Variants in FUT9 observed in about 807,000 individuals in gnomAD.
FUT9 encodes fucosyltransferase 9.
A neutral mutation model predicts 29.7 loss-of-function variants in FUT9; 15 were observed. That is an observed-to-expected ratio of 0.51 (90% CI 0.34 to 0.78). The LOEUF (loss-of-function observed/expected upper bound fraction) is 0.78, where lower values mean the gene tolerates loss of function less well. FUT9 is among the 30% of genes least tolerant of loss of function. The probability of loss-of-function intolerance (pLI) is 0.01; values close to 1 mark genes in which losing one functional copy is unlikely to be tolerated. For missense variants in FUT9, 319 were observed against 425.4 expected, an observed-to-expected ratio of 0.75 and a Z score of 2.20; for synonymous variants, 169 against 153.7, an observed-to-expected ratio of 1.10 and a Z score of -0.74.
At chr6:96,196,131 G>A (rs572039397) in intron 2 of FUT9, among the ~76,000 whole-genome samples, 1 of 152,118 alleles carries the variant, frequency 6.6e-6, no homozygotes, top group South Asian at 2.1e-4. Context: ...GCCAGTGTGG[G>A]AATAGAGAGG....
intron 2 of FUT9, among the ~76,000 whole-genome samples, chr6:96,135,112 T>A (rs957555846): frequency 6.6e-6 from 1 of 151,928 alleles, no homozygotes; most frequent in Non-Finnish European, 1.5e-5. Flanking sequence ...TTATTGAATG[T>A]CACATAATAT....
chr6:96,177,075 T>G (rs1172043234), intron 2 of FUT9, among the ~76,000 whole-genome samples: 4 of 152,172 alleles, frequency 2.6e-5, no homozygotes, highest in African/African-American at 7.2e-5. Flanking sequence ...AGGCCACTTC[T>G]ATCTCCTTTA....
chr6:96,042,316 T>C (rs1562105248), intron 1 of FUT9, among the ~76,000 whole-genome samples: 1 of 152,324 alleles, frequency 6.6e-6, no homozygotes, highest in East Asian at 1.9e-4. Flanking sequence ...AATGTCTGCA[T>C]CTTGTTGCTT....
At chr6:96,181,985 T>A (rs566793891) in intron 2 of FUT9, among the ~76,000 whole-genome samples, 1 of 152,252 alleles carries the variant, frequency 6.6e-6, no homozygotes, top group Non-Finnish European at 1.5e-5. Context: ...TACTTTTAGT[T>A]CTTTAAGGAA....
At chr6:96,098,639 C>T (rs1410709548) in intron 1 of FUT9, among the ~76,000 whole-genome samples, 11 of 152,240 alleles carry the variant, frequency 7.2e-5, no homozygotes, top group African/African-American at 2.6e-4. Flanking sequence ...TCTTATGTGT[C>T]ATCAAATAGT....
At chr6:96,118,355 A>AT (rs1169695416) in intron 2 of FUT9, among the ~76,000 whole-genome samples, 1 of 152,170 alleles carries the variant, frequency 6.6e-6, no homozygotes, top group Non-Finnish European at 1.5e-5. Context: ...CATGCACTGC[A>AT]TAACATTGCA....
rs1158655711 is a variant in FUT9, at chr6:96,212,249, G to A, written c.*8014G>A. ...TCAGTTCCTTAAATGAGATAATCCT[G>A]AAGATGCCATCCTTGTCCAAGGTGA... is the stretch of plus-strand genomic sequence containing the variant. On this transcript the variant is annotated 3_prime_UTR_variant, in exon 3 of 3. Transcript: ENST00000302103. 1 of 412,586 alleles carries A rather than the reference G, an allele frequency of 2.4e-6. No homozygotes were observed. Among genetic ancestry groups the A allele is most frequent in the African/African-American group, 2.1e-5 (1 of 48,570 alleles). The allele number at this position is 412,586 out of a possible 1,614,324, so 25.6% of individuals were successfully genotyped here.
chr6:96,193,638 A>G (rs1045347635), intron 2 of FUT9, among the ~76,000 whole-genome samples: 2 of 152,108 alleles, frequency 1.3e-5, no homozygotes, highest in African/African-American at 4.8e-5. Context: ...TGTGGAAGAC[A>G]GTGTGGCGAT....
Position 96,204,190 on chromosome 6 carries a change from A to G in FUT9, c.1035A>G (p.Gln345=), listed in dbSNP as rs777195087. 1.4e-6 allele frequency: 2 copies of G among 1,476,070 alleles called. No individual in the cohort carries two copies. The highest frequency in any genetic ancestry group is 1.4e-5 in the African/African-American group (1 of 71,218). The allele number at this position is 1,476,070 out of a possible 1,614,324, so 91.4% of individuals were successfully genotyped here. A position where few individuals can be genotyped will look rare whatever the true frequency, so the allele number is the denominator to read the frequency against. ...CLACDHVKRH[Q]EYKSVGNLEK... ...CTTGCGATCATGTGAAAAGGCATCAAGAATATAAGTCTGTTGGTAATTTAG... is the reference window on the plus strand; with the variant it reads ...CTTGCGATCATGTGAAAAGGCATCAGGAATATAAGTCTGTTGGTAATTTAG... Residue 345 remains glutamine, a synonymous_variant, in exon 3 of 3, where the codon CAA becomes CAG. Transcript: ENST00000302103.
Position 96,205,475 on chromosome 6 carries a change from C to T in FUT9, c.*1240C>T, listed in dbSNP as rs998471538. 6.0e-6 allele frequency: 1 copy of T among 166,952 alleles called. No individual in the cohort carries two copies. Among genetic ancestry groups the T allele is most frequent in the Non-Finnish European group, 1.5e-5 (1 of 68,090 alleles). 10.3% of individuals were successfully genotyped at this position (166,952 alleles called of 1,614,324 possible). A position where few individuals can be genotyped will look rare whatever the true frequency, so the allele number is the denominator to read the frequency against. ...TTTATATCCCATTTTGGTAATTATT[C>T]ATACATAGCACATATGACCATGATG... On this transcript the variant is annotated 3_prime_UTR_variant, in exon 3 of 3. Coordinates refer to ENST00000302103, the MANE Select transcript of FUT9 (RefSeq NM_006581.4).
chr6:96,169,584 A>T (rs1032682431), intron 2 of FUT9, among the ~76,000 whole-genome samples: 3 of 152,120 alleles, frequency 2.0e-5, no homozygotes. Flanking sequence ...ATCTCTCAGG[A>T]AAAAGTTTTA....
chr6:96,088,137 G>A (rs1402697654), intron 1 of FUT9, among the ~76,000 whole-genome samples: 1 of 151,862 alleles, frequency 6.6e-6, no homozygotes, highest in Non-Finnish European at 1.5e-5. Context: ...AATATCTAAT[G>A]TAAATGACAA....
chr6:96,081,672 G>T (rs1000191807), intron 1 of FUT9, among the ~76,000 whole-genome samples: 1 of 151,748 alleles, frequency 6.6e-6, no homozygotes, highest in African/African-American at 2.4e-5. Context: ...TGTGCGAGAG[G>T]TTCTACAAAG....
At chr6:96,087,028 C>T (rs183516947) in intron 1 of FUT9, among the ~76,000 whole-genome samples, 22 of 152,256 alleles carry the variant, frequency 1.4e-4, no homozygotes, top group African/African-American at 2.4e-4. Flanking sequence ...AGCAAGGAGA[C>T]AAACGTTACG....
chr6:96,118,375 T>C (rs990021513), intron 2 of FUT9, among the ~76,000 whole-genome samples: 1 of 152,146 alleles, frequency 6.6e-6, no homozygotes, highest in African/African-American at 2.4e-5. Flanking sequence ...AGGCAATGAT[T>C]GACCACATGT....
chr6:96,114,791 A>C (rs1053078184), intron 2 of FUT9, among the ~76,000 whole-genome samples: 2 of 152,208 alleles, frequency 1.3e-5, no homozygotes, highest in Non-Finnish European at 2.9e-5. Context: ...ACTACAAAGC[A>C]ATAAGTGTTA....
chr6:96,148,108 C>T (rs147878219), intron 2 of FUT9, among the ~76,000 whole-genome samples: 33 of 152,120 alleles, frequency 2.2e-4, no homozygotes, highest in African/African-American at 4.3e-4. Context: ...TCCTTAAAAA[C>T]GCTTTCTAAC....
intron 2 of FUT9, among the ~76,000 whole-genome samples, chr6:96,153,760 C>A (rs1772726062): frequency 6.6e-6 from 1 of 152,180 alleles, no homozygotes; most frequent in African/African-American, 2.4e-5. Flanking sequence ...AGTTTCCTTA[C>A]AGTTTTCAAT....
intron 2 of FUT9, among the ~76,000 whole-genome samples, chr6:96,164,619 GT>G (rs1562148512): frequency 6.6e-6 from 1 of 152,242 alleles, no homozygotes; most frequent in East Asian, 1.9e-4. Context: ...AGTCTGCTCT[GT>G]CAGTCTTAAG....
Sources: gnomAD v4.1 joint callset for allele counts (sites outside exome capture counted in the v4.1 genomes callset) on GRCh38, gnomAD v4.1.1 for gene constraint, MANE v1.5 for transcripts, NCBI Gene and HGNC (gene_info 2026-07-23, HGNC 2026-07-21) for gene names.